SGMS1: variants seen among roughly 807,000 people sequenced by gnomAD.
SGMS1 encodes sphingomyelin synthase 1.
SGMS1 carries 13 observed loss-of-function variants against 46.2 expected under a neutral mutation model. The observed-to-expected ratio is 0.28, with a 90% CI of 0.18 to 0.45. SGMS1 has a LOEUF of 0.45. SGMS1 is among the 20% of genes least tolerant of loss of function. The probability of loss-of-function intolerance (pLI) is 1.00; values close to 1 mark genes in which losing one functional copy is unlikely to be tolerated. For missense variants in SGMS1, 324 were observed against 519.9 expected, an observed-to-expected ratio of 0.62 and a Z score of 3.66; for synonymous variants, 203 against 187.8, an observed-to-expected ratio of 1.08 and a Z score of -0.66.
At chr10:50,336,401 G>A (rs1429555878) in intron 7 of SGMS1, among the ~76,000 whole-genome samples, 4 of 152,182 alleles carry the variant, frequency 2.6e-5, no homozygotes, top group African/African-American at 9.7e-5. Flanking sequence ...AGCAAAGGAA[G>A]CTTTATCAGA....
chr10:50,408,449 A>C lies in SGMS1; in HGVS notation c.-232+25027T>G, dbSNP rs1457303668. Among the ~76,000 whole-genome samples the C allele has an allele frequency of 1.8e-4, 27 of 148,252 alleles. No individual in the cohort carries two copies. In the East Asian group the frequency reaches 3.5e-3, roughly 19 times the overall value. On this transcript the variant is annotated intron_variant, in intron 6 of 10. Coordinates refer to ENST00000361781, the MANE Select transcript of SGMS1 (RefSeq NM_147156.4). ...CATCTCTTAAAAAAAAAAAAAAAAA[A>C]AAAAAACAAAATAAAAACTTTTTTT...
chr10:50,452,770 A>G (rs1352630016), intron 5 of SGMS1, among the ~76,000 whole-genome samples: 1 of 152,214 alleles, frequency 6.6e-6, no homozygotes, highest in African/African-American at 2.4e-5. Flanking sequence ...CCCTCAGTAT[A>G]TGGGCAAATT....
chr10:50,582,236 G>T (rs1175207659), intron 2 of SGMS1, among the ~76,000 whole-genome samples: 2 of 152,124 alleles, frequency 1.3e-5, no homozygotes, highest in East Asian at 1.9e-4. Flanking sequence ...ATAATACAAA[G>T]AAATCACTAT....
chr10:50,468,300 A>G (rs959786427), intron 3 of SGMS1, among the ~76,000 whole-genome samples: 1 of 152,188 alleles, frequency 6.6e-6, no homozygotes, highest in African/African-American at 2.4e-5. Flanking sequence ...CATCAACAAA[A>G]AGAGAGAGAT....
intron 3 of SGMS1, among the ~76,000 whole-genome samples, chr10:50,488,041 T>G (rs1837537226): frequency 6.7e-6 from 1 of 150,132 alleles, no homozygotes; most frequent in African/African-American, 2.5e-5. Context: ...TGAGACTGAG[T>G]CTCACTCTAT....
chr10:50,469,764 C>G (rs1837362472), intron 3 of SGMS1, among the ~76,000 whole-genome samples: 1 of 152,108 alleles, frequency 6.6e-6, no homozygotes. Flanking sequence ...GTGTTTACTA[C>G]TGGTGACTTC....
intron 2 of SGMS1, among the ~76,000 whole-genome samples, chr10:50,568,908 T>A (rs1838313501): frequency 6.6e-6 from 1 of 152,024 alleles, no homozygotes; most frequent in Non-Finnish European, 1.5e-5. Flanking sequence ...CAAACGCCTG[T>A]CAATGACAGG....
intron 6 of SGMS1, 116 bp downstream of exon 6, chr10:50,433,360 A>G (rs1186839181): frequency 6.6e-6 from 1 of 152,292 alleles, no homozygotes; most frequent in East Asian, 1.9e-4. Flanking sequence ...ACTTTATAAA[A>G]TAGTTTCTCT....
At chr10:50,471,691 G>A (rs1039624313) in intron 3 of SGMS1, among the ~76,000 whole-genome samples, 6 of 152,158 alleles carry the variant, frequency 3.9e-5, no homozygotes, top group Non-Finnish European at 8.8e-5. Flanking sequence ...AGCAGTATCT[G>A]AGGTTCCTAG....
chr10:50,417,207 TAA>T (rs1052228599), intron 6 of SGMS1, among the ~76,000 whole-genome samples: 11 of 152,188 alleles, frequency 7.2e-5, no homozygotes, highest in East Asian at 3.9e-4. Flanking sequence ...TGCAAGAAAA[TAA>T]GTTACTTGGC....
At chr10:50,378,446 T>G (rs529086881) in intron 6 of SGMS1, among the ~76,000 whole-genome samples, 1 of 152,338 alleles carries the variant, frequency 6.6e-6, no homozygotes, top group South Asian at 2.1e-4. Flanking sequence ...AAATGTAGAT[T>G]CTTCAGCAGA....
intron 5 of SGMS1, among the ~76,000 whole-genome samples, chr10:50,447,441 C>T (rs189820383): frequency 1.3e-3 from 199 of 152,100 alleles, no homozygotes; most frequent in African/African-American, 4.5e-3. Context: ...CATTTCTTTC[C>T]TCTTTAAAAT....
chr10:50,321,260 TA>T lies in SGMS1; in HGVS notation c.741+5944del, dbSNP rs528054820. The stretch of plus-strand genomic sequence containing the variant: ...CATAGACAGCACCATCAGAATCATG[TA>T]AAAAATGCATACATAAGGAACTAAT... On this transcript the variant is annotated intron_variant, in intron 8 of 10. Transcript: ENST00000361781. 5.1e-3 allele frequency among the ~76,000 whole-genome samples: 779 copies of T among 152,326 alleles called. 6 individuals carry two copies. Among genetic ancestry groups the T allele is most frequent in the African/African-American group, 0.018 (743 of 41,580 alleles).
At chr10:50,574,147 G>C (rs978684529) in intron 2 of SGMS1, among the ~76,000 whole-genome samples, 2 of 146,102 alleles carry the variant, frequency 1.4e-5, no homozygotes, top group African/African-American at 5.1e-5. Context: ...CAAAAGCACA[G>C]GTAAGAAAAG....
chr10:50,402,314 A>T (rs776695548), intron 6 of SGMS1, among the ~76,000 whole-genome samples: 4 of 152,228 alleles, frequency 2.6e-5, no homozygotes, highest in Non-Finnish European at 5.9e-5. Flanking sequence ...TCAAAAATTA[A>T]TCTATCTTCC....
At chr10:50,587,817 T>C (rs1354003465) in intron 2 of SGMS1, among the ~76,000 whole-genome samples, 1 of 152,134 alleles carries the variant, frequency 6.6e-6, no homozygotes, top group East Asian at 1.9e-4. Flanking sequence ...CTGTAGTGTC[T>C]AAAAGGAAGC....
chr10:50,595,180 CTT>C (rs112959244), intron 1 of SGMS1, among the ~76,000 whole-genome samples: 4 of 145,996 alleles, frequency 2.7e-5, no homozygotes, highest in South Asian at 2.2e-4. Flanking sequence ...ATACTGCATT[CTT>C]TTTTTTTTTT....
intron 3 of SGMS1, among the ~76,000 whole-genome samples, chr10:50,471,519 G>A (rs1837378655): frequency 6.6e-6 from 1 of 152,176 alleles, no homozygotes; most frequent in Admixed American, 6.5e-5. Context: ...ACAAGTCTAT[G>A]AGACGCAAAC....
In SGMS1 at chr10:50,307,273, A is replaced by G; in HGVS notation, c.1111T>C (p.Tyr371His). Residue 371 changes from tyrosine to histidine, a missense_variant, in exon 11 of 11, where the codon TAC becomes CAC. By Grantham distance (83) the Tyr-to-His change is moderately conservative. Coordinates refer to ENST00000361781, the MANE Select transcript of SGMS1 (RefSeq NM_147156.4). This position sits in a 1 kb window ranked among gnomAD's most constrained non-coding sequence, Gnocchi z 4.2. The part of the protein sequence containing the change: ...QMNLLARVWW[Y>H]RPFQYFEKNV... ...TTTTCAAAGTACTGAAATGGCCTGTACCACCACACCCTGGCCAGGAGGTTC... is the reference window on the plus strand; with the variant it reads ...TTTTCAAAGTACTGAAATGGCCTGTGCCACCACACCCTGGCCAGGAGGTTC... 1 of 1,614,060 alleles carries G rather than the reference A, an allele frequency of 6.2e-7. No homozygotes were observed. Among genetic ancestry groups the G allele is most frequent in the Non-Finnish European group, 8.5e-7 (1 of 1,179,970 alleles).
Sources: allele counts gnomAD v4.1 joint callset (sites outside exome capture counted in the v4.1 genomes callset), GRCh38; gene constraint gnomAD v4.1.1; non-coding constraint Gnocchi (gnomAD v3.1); transcripts MANE v1.5; gene names NCBI Gene and HGNC (gene_info 2026-07-23, HGNC 2026-07-21).